SGCZ: variants seen among roughly 807,000 people sequenced by gnomAD.
SGCZ encodes the protein zeta-sarcoglycan.
SGCZ carries 40 observed loss-of-function variants against 41.3 expected under a neutral mutation model. That is an observed-to-expected ratio of 0.97 (90% CI 0.75 to 1.26). The LOEUF is 1.26. Ranked by LOEUF, SGCZ falls within the 50% of genes most tolerant of loss-of-function variation. The pLI is 0.00. For synonymous variants in SGCZ, 206 were observed against 137.5 expected (o/e 1.50, Z -3.49); for missense variants, 552 against 369.8 (o/e 1.49, Z -4.04).
chr8:15,217,403 C>T (rs1266516776), intron 1 of SGCZ, among the ~76,000 whole-genome samples: 43 of 134,026 alleles, frequency 3.2e-4, no homozygotes, highest in Admixed American at 8.8e-4. Flanking sequence ...GGAGACACAG[C>T]GAGACTCCGT....
Position 14,803,287 on chromosome 8 carries a change from G to C in SGCZ, c.40-248361C>G, listed in dbSNP as rs372575507. Among the ~76,000 whole-genome samples, 5 of 152,222 alleles carry C rather than the reference G, an allele frequency of 3.3e-5. No homozygotes were observed. The East Asian group carries it at 7.8e-4, about 24-fold the overall frequency. ...TCCCAGCGTGAGCGACGCAGAAGAC[G>C]GGTGATTTCTGCATTTCCATCTGAG... On this transcript the variant is annotated intron_variant, in intron 1 of 7. Coordinates refer to ENST00000382080, the MANE Select transcript of SGCZ (RefSeq NM_139167.4).
At chr8:15,141,345 A>G (rs989913202) in intron 1 of SGCZ, among the ~76,000 whole-genome samples, 1 of 152,208 alleles carries the variant, frequency 6.6e-6, no homozygotes, top group African/African-American at 2.4e-5. Flanking sequence ...CAGTATTTCA[A>G]TGAGTCATGT....
At chr8:14,247,832 G>T (rs1799158650) in intron 3 of SGCZ, among the ~76,000 whole-genome samples, 1 of 152,132 alleles carries the variant, frequency 6.6e-6, no homozygotes, top group Non-Finnish European at 1.5e-5. Context: ...CATGATTGAG[G>T]TACACCTCAA....
intron 1 of SGCZ, among the ~76,000 whole-genome samples, chr8:14,815,467 A>C (rs1283691281): frequency 6.6e-6 from 1 of 152,138 alleles, no homozygotes; most frequent in Non-Finnish European, 1.5e-5. Context: ...AGTAAGAATA[A>C]AAACAGGACC....
At chr8:14,648,515 C>T (rs1281679800) in intron 1 of SGCZ, among the ~76,000 whole-genome samples, 2 of 151,922 alleles carry the variant, frequency 1.3e-5, no homozygotes, top group Non-Finnish European at 2.9e-5. Context: ...TAGTTAAAAG[C>T]TATAAGATTA....
chr8:14,574,056 G>A (rs1804637348), intron 1 of SGCZ, among the ~76,000 whole-genome samples: 2 of 152,112 alleles, frequency 1.3e-5, no homozygotes, highest in African/African-American at 2.4e-5. Flanking sequence ...AAACACTGTT[G>A]ATAATCTCCA....
At chr8:14,708,107 T>C (rs1023573348) in intron 1 of SGCZ, among the ~76,000 whole-genome samples, 1 of 152,068 alleles carries the variant, frequency 6.6e-6, no homozygotes, top group Non-Finnish European at 1.5e-5. Flanking sequence ...AGTTAATTTT[T>C]CTATAAATTC....
intron 2 of SGCZ, among the ~76,000 whole-genome samples, chr8:14,413,471 T>G (rs1799415407): frequency 6.6e-6 from 1 of 151,992 alleles, no homozygotes; most frequent in South Asian, 2.1e-4. Context: ...CTGTCGTAAG[T>G]GGATTGTCCT....
intron 2 of SGCZ, among the ~76,000 whole-genome samples, chr8:14,491,820 A>G (rs7009025): frequency 1 from 152,129 of 152,252 alleles, 76,003 homozygotes; most frequent in Middle Eastern, 1. Context: ...TATTTGAATG[A>G]ATCATGTATT....
chr8:14,637,445 C>T (rs1002815765), intron 1 of SGCZ, among the ~76,000 whole-genome samples: 3 of 151,600 alleles, frequency 2.0e-5, no homozygotes, highest in Admixed American at 6.6e-5. Context: ...ACAGAATAGG[C>T]GATTTTTCAA....
intron 5 of SGCZ, among the ~76,000 whole-genome samples, chr8:14,147,044 C>G (rs957396933): frequency 4.6e-5 from 7 of 151,268 alleles, no homozygotes; most frequent in African/African-American, 4.9e-5. Flanking sequence ...AAGTTCTTAT[C>G]AGATTAAAAT....
chr8:14,180,469 G>A lies in SGCZ; in HGVS notation c.425-15767C>T, dbSNP rs115568885. Among the ~76,000 whole-genome samples, 805 of 152,102 alleles carry A rather than the reference G, an allele frequency of 5.3e-3. 4 individuals carry two copies. Among genetic ancestry groups the A allele is most frequent in the African/African-American group, 0.019 (788 of 41,500 alleles). ...CCTGGTACGCTGATGGGTCTAGAAA[G>A]AACGTATCCAACACTGAGCACTAGA... On this transcript the variant is annotated intron_variant, in intron 4 of 7. Transcript: ENST00000382080.
chr8:14,875,993 C>T (rs927370674), intron 1 of SGCZ, among the ~76,000 whole-genome samples: 1 of 152,128 alleles, frequency 6.6e-6, no homozygotes, highest in African/African-American at 2.4e-5. Context: ...AAACACAAAC[C>T]ATTTGGGAAC....
chr8:14,397,333 T>C (rs369381756), intron 2 of SGCZ, among the ~76,000 whole-genome samples: 1 of 152,166 alleles, frequency 6.6e-6, no homozygotes, highest in South Asian at 2.1e-4. Context: ...AGGCAATTTA[T>C]AATTAGGTCT....
intron 1 of SGCZ, among the ~76,000 whole-genome samples, chr8:14,573,555 T>A (rs1804623665): frequency 6.6e-6 from 1 of 152,192 alleles, no homozygotes; most frequent in Admixed American, 6.5e-5. Context: ...ACGAAAGAGC[T>A]ATTAGAGAAT....
rs112106892 is a variant in SGCZ, at chr8:15,077,214, A to G, written c.39+160371T>C. Among the ~76,000 whole-genome samples the G allele has an allele frequency of 1.9e-3, 284 of 152,340 alleles. 1 individual carries two copies. The highest frequency in any genetic ancestry group is 6.3e-3 in the African/African-American group (260 of 41,588). On this transcript the variant is annotated intron_variant, in intron 1 of 7. Transcript: ENST00000382080. ...GACTTTATCAGAAATAAGCATTACA[A>G]TGGCTTCAGTGTTAAGTACAATTAT...
chr8:15,087,572 G>A (rs1805996516), intron 1 of SGCZ, among the ~76,000 whole-genome samples: 1 of 152,126 alleles, frequency 6.6e-6, no homozygotes, highest in Admixed American at 6.5e-5. Context: ...TGTGACCACT[G>A]AAGTGTCATT....
At chr8:14,377,227 C>A (rs566317657) in intron 2 of SGCZ, among the ~76,000 whole-genome samples, 1 of 152,278 alleles carries the variant, frequency 6.6e-6, no homozygotes, top group Admixed American at 6.5e-5. Context: ...ATCAATCATG[C>A]TTCCTAATAG....
chr8:14,109,691 C>A (rs7820727), intron 5 of SGCZ, among the ~76,000 whole-genome samples: 127,938 of 152,138 alleles, frequency 0.84, 53,933 homozygotes, highest in South Asian at 0.91. Context: ...TTCCTTAAAA[C>A]TAAATTGCTA....
Sources: allele counts gnomAD v4.1 joint callset (sites outside exome capture counted in the v4.1 genomes callset), GRCh38; gene constraint gnomAD v4.1.1; transcripts MANE v1.5; gene names NCBI Gene and HGNC (gene_info 2026-07-23, HGNC 2026-07-21).